RNF126: variants seen among roughly 807,000 people sequenced by gnomAD.
RNF126 encodes E3 ubiquitin-protein ligase RNF126.
Under a neutral mutation model 41.9 loss-of-function variants are expected in RNF126, and 20 were observed. The observed-to-expected ratio is 0.48, with a 90% CI of 0.34 to 0.69. The LOEUF (loss-of-function observed/expected upper bound fraction) is 0.69, where lower values mean the gene tolerates loss of function less well. RNF126 is among the 30% of genes least tolerant of loss of function. RNF126 has a pLI of 0.01. For missense variants in RNF126, 433 were observed against 460.6 expected (o/e 0.94, Z 0.55); for synonymous variants, 239 against 202.9 (o/e 1.18, Z -1.51).
In RNF126 at chr19:659,239, C is replaced by A. The variant is rs927937464; in HGVS notation, c.75+3808G>T. ...CTTCTGAAGACTCGGGCCAGGCCGC[C>A]GCAGGGACCAGGAGAAGACAGGGTG... On this transcript the variant is annotated intron_variant, in intron 1 of 8. Coordinates refer to ENST00000292363, the MANE Select transcript of RNF126 (RefSeq NM_194460.3). The surrounding 1 kb of genome is among the most constrained non-coding windows in gnomAD (Gnocchi z 4.9). Among the ~76,000 whole-genome samples the A allele has an allele frequency of 1.3e-5, 2 of 152,104 alleles. No homozygotes were observed. The highest frequency in any genetic ancestry group is 2.9e-5 in the Non-Finnish European group (2 of 68,002).
intron 1 of RNF126, among the ~76,000 whole-genome samples, chr19:662,603 G>T (rs1465604764): frequency 6.6e-6 from 1 of 152,120 alleles, no homozygotes; most frequent in African/African-American, 2.4e-5. Flanking sequence ...CGTTATTCTC[G>T]GGGTCCGAGC....
intron 6 of RNF126, chr19:649,421 G>T: frequency 1.9e-6 from 1 of 531,176 alleles, no homozygotes; most frequent in Non-Finnish European, 3.4e-6. Context: ...TCCTGACCAT[G>T]TGACTGTGGG....
chr19:647,953 T>C lies in RNF126; in HGVS notation c.*175A>G. Reference sequence around the variant, plus strand: ...AGAGGGGACCATGTGGCCCACGCCTTCCCAAGCCAGGGGGCCGGTGGGCCG... The same window carrying C: ...AGAGGGGACCATGTGGCCCACGCCTCCCCAAGCCAGGGGGCCGGTGGGCCG... On this transcript the variant is annotated 3_prime_UTR_variant, in exon 9 of 9. Coordinates refer to ENST00000292363, the MANE Select transcript of RNF126 (RefSeq NM_194460.3). 1.3e-6 allele frequency: 1 copy of C among 793,476 alleles called. No individual in the cohort carries two copies. The allele number at this position is 793,476 out of a possible 1,614,324, so 49.2% of individuals were successfully genotyped here.
intron 5 of RNF126, among the ~76,000 whole-genome samples, 193 bp downstream of exon 5, chr19:650,041 C>T (rs570681933): frequency 6.8e-6 from 1 of 147,070 alleles, no homozygotes; most frequent in South Asian, 2.2e-4. Flanking sequence ...GGCACCCCCA[C>T]CCACTCACCA....
intron 2 of RNF126, 200 bp from the exon 3 acceptor site, chr19:652,496 T>C (rs375587331): frequency 1.7e-6 from 1 of 604,250 alleles, no homozygotes; most frequent in Non-Finnish European, 2.9e-6. Context: ...GATAAACCGG[T>C]GCAGACCCCA....
At chr19:653,306 C>G (rs559475370) in intron 1 of RNF126, among the ~76,000 whole-genome samples, 1 of 152,352 alleles carries the variant, frequency 6.6e-6, no homozygotes, top group South Asian at 2.1e-4. Flanking sequence ...AGCCCGTTCC[C>G]CTGGCTCGGG....
Position 652,816 on chromosome 19 carries a change from G to C in RNF126, c.134+10C>G, listed in dbSNP as rs144919681. ...GCTCTTCCAGCCTCTTCAACAGGGG[G>C]CTGCATTACCTGGTCTCTTCCGGAA... On this transcript the variant is annotated intron_variant, in intron 2 of 8. Transcript: ENST00000292363. The C allele has an allele frequency of 6.2e-7, 1 of 1,612,284 alleles. No individual in the cohort carries two copies. Among genetic ancestry groups the C allele is most frequent in the East Asian group, 2.2e-5 (1 of 44,860 alleles).
intron 6 of RNF126, 71 bp from the exon 7 acceptor site, chr19:649,046 G>T: frequency 1.4e-6 from 1 of 720,556 alleles, no homozygotes; most frequent in Non-Finnish European, 2.0e-6. Flanking sequence ...ACGCGAGGCT[G>T]CAGGACCTGC....
At chr19:662,960 G>A in intron 1 of RNF126, 87 bp downstream of exon 1, 2 of 540,002 alleles carry the variant, frequency 3.7e-6, no homozygotes, top group Non-Finnish European at 5.5e-6. Flanking sequence ...GCAAGAGGCG[G>A]GCGCAAGCGA....
intron 6 of RNF126, chr19:649,462 T>C (rs2030164434): frequency 1.8e-6 from 1 of 568,040 alleles, no homozygotes; most frequent in Non-Finnish European, 3.2e-6. Flanking sequence ...GCTACAACGT[T>C]CCGCGTGAAC....
At chr19:652,183 C>T in intron 3 of RNF126, 50 bp downstream of exon 3, 1 of 1,429,560 alleles carries the variant, frequency 7.0e-7, no homozygotes, top group Admixed American at 3.1e-5. Context: ...GCGCTCGGGG[C>T]CCCGAGCAAG....
intron 7 of RNF126, 30 bp from the exon 8 acceptor site, chr19:648,517 G>C: frequency 2.0e-6 from 3 of 1,506,054 alleles, no homozygotes; most frequent in Non-Finnish European, 1.8e-6. Flanking sequence ...CGGTCACAGC[G>C]GGCGTGGGGG....
chr19:652,962 G>C, intron 1 of RNF126, 78 bp from the exon 2 acceptor site: 1 of 1,353,602 alleles, frequency 7.4e-7, no homozygotes. Context: ...AGGACAGAGG[G>C]GCTCCGGACC....
rs1220286069 is a variant in RNF126 at position 652,081 on chromosome 19, C to T, written c.198+152G>A. ...CAAGAAACCAACCAAGCAGCGTGGG[C>T]CGCCCCAATCCCTGGCCCGGGCCCC... On this transcript the variant is annotated intron_variant, in intron 3 of 8. Transcript: ENST00000292363. 5.5e-6 allele frequency: 4 copies of T among 730,928 alleles called. No individual in the cohort carries two copies. In the African/African-American group the frequency reaches 5.5e-5, roughly 10 times the overall value. The allele number at this position is 730,928 out of a possible 1,614,324, so 45.3% of individuals were successfully genotyped here. A position where few individuals can be genotyped will look rare whatever the true frequency, so the allele number is the denominator to read the frequency against.
intron 6 of RNF126, chr19:649,195 C>A (rs945074850): frequency 3.4e-5 from 9 of 263,656 alleles, no homozygotes; most frequent in Non-Finnish European, 6.4e-5. Flanking sequence ...CGGAGGCCCG[C>A]GCTCCTGGGT....
intron 1 of RNF126, among the ~76,000 whole-genome samples, chr19:655,655 GA>G (rs11292816): frequency 0.089 from 13,554 of 152,138 alleles, 1,113 homozygotes; most frequent in East Asian, 0.44. Flanking sequence ...CCCCCAGATG[GA>G]ACTACCCCAT....
chr19:657,404 C>T (rs1444856388), intron 1 of RNF126, among the ~76,000 whole-genome samples: 1 of 152,230 alleles, frequency 6.6e-6, no homozygotes, highest in Non-Finnish European at 1.5e-5. Context: ...CACGACAGCC[C>T]GACCTGGCCA....
intron 4 of RNF126, among the ~76,000 whole-genome samples, chr19:650,838 C>T (rs897742255): frequency 5.9e-5 from 9 of 152,028 alleles, no homozygotes; most frequent in African/African-American, 1.4e-4. Flanking sequence ...GTGATCTGCC[C>T]GCCTCGGCCT....
rs144347019 is a variant in RNF126, at chr19:648,119, G to T, written c.*9C>A. The T allele has an allele frequency of 1.3e-6, 2 of 1,567,512 alleles. No homozygotes were observed. The highest frequency in any genetic ancestry group is 8.7e-7 in the Non-Finnish European group (1 of 1,152,508). The stretch of plus-strand genomic sequence containing the variant: ...AAGGCCCCGTGCTTTCCCGACGGCC[G>T]ACGTGGGCTCACGAGTTGCTTGTGG... On this transcript the variant is annotated 3_prime_UTR_variant, in exon 9 of 9. Transcript: ENST00000292363.
Sources: gnomAD v4.1 joint callset for allele counts (sites outside exome capture counted in the v4.1 genomes callset) on GRCh38, gnomAD v4.1.1 for gene constraint, Gnocchi (gnomAD v3.1) non-coding constraint, MANE v1.5 for transcripts, NCBI Gene and HGNC (gene_info 2026-07-23, HGNC 2026-07-21) for gene names.